The following OR2AJ1 variants were observed in gnomAD, a reference collection of about 807,000 sequenced individuals.
OR2AJ1 encodes olfactory receptor 2AJ1.
For synonymous variants in OR2AJ1, 105 were observed against 60.3 expected, an observed-to-expected ratio of 1.74 and a Z score of -3.44; for missense variants, 280 against 163.2, an observed-to-expected ratio of 1.72 and a Z score of -3.90.
intron 1 of OR2AJ1, among the ~76,000 whole-genome samples, chr1:247,925,961 G>A (rs1230311229): frequency 6.6e-6 from 1 of 152,078 alleles, no homozygotes; most frequent in African/African-American, 2.4e-5. Flanking sequence ...TATTTCTTCT[G>A]TAAATTCTGA....
At position 247,934,715 on chromosome 1, in the gene OR2AJ1, G is replaced by A. The variant is rs529188741; in HGVS notation, c.947G>A (p.Arg316Lys). The change falls in exon 2 of 2, where the codon AGG becomes AAG. Residue 316 changes from arginine to lysine, a missense_variant. Physicochemically the swap from Arg to Lys is conservative, Grantham distance 26 (BLOSUM62 2). Coordinates refer to ENST00000318244, the MANE Select transcript of OR2AJ1 (RefSeq NM_001355235.2). ...KSNFLHKKMN[R>K]KIPECVFCLF... is the part of the protein sequence containing the mutation. The stretch of plus-strand genomic sequence containing the variant: ...AACTTTCTGCACAAAAAAATGAATA[G>A]GAAAATTCCTGAATGTGTGTTCTGT... 44 of 713,440 alleles carry A rather than the reference G, an allele frequency of 6.2e-5. No homozygotes were observed. In the South Asian group the frequency reaches 6.2e-4, roughly 10 times the overall value. The allele number at this position is 713,440 out of a possible 1,614,324, so 44.2% of individuals were successfully genotyped here.
At chr1:247,933,468 A>C (rs557181952) in intron 1 of OR2AJ1, among the ~76,000 whole-genome samples, 1 of 152,318 alleles carries the variant, frequency 6.6e-6, no homozygotes, top group African/African-American at 2.4e-5. Context: ...ACATTTGAGA[A>C]AAGAGTAGAT....
Position 247,934,690 on chromosome 1 carries a change from A to T in OR2AJ1, c.922A>T (p.Asn308Tyr), listed in dbSNP as rs1228582615. ...GGTGATGAAAAATATGCTCAAAAGT[A>T]ACTTTCTGCACAAAAAAATGAATAG... ...LAVMKNMLKS[N>Y]FLHKKMNRKI... Residue 308 changes from asparagine to tyrosine, a missense_variant, in exon 2 of 2, where the codon AAC becomes TAC. Physicochemically the swap from Asn to Tyr is moderately radical, Grantham distance 143. Coordinates refer to ENST00000318244, the MANE Select transcript of OR2AJ1 (RefSeq NM_001355235.2). 2 of 715,922 alleles carry T rather than the reference A, an allele frequency of 2.8e-6. No individual in the cohort carries two copies. Among genetic ancestry groups the T allele is most frequent in the Non-Finnish European group, 5.2e-6 (2 of 385,060 alleles). The allele number at this position is 715,922 out of a possible 1,614,324, so 44.3% of individuals were successfully genotyped here.
At position 247,931,377 on chromosome 1, in the gene OR2AJ1, C is replaced by T. The variant is rs1438649806; in HGVS notation, c.-22-2370C>T. 2.0e-5 allele frequency among the ~76,000 whole-genome samples: 3 copies of T among 152,216 alleles called. No homozygotes were observed. In the East Asian group the frequency reaches 5.8e-4, roughly 29 times the overall value. On this transcript the variant is annotated intron_variant, in intron 1 of 1. Transcript: ENST00000318244. ...TCTTTGCATACAATGGCAGATTTCACCCAAAATTGAAATACTCCTGGGTAA... is the reference window on the plus strand; with the variant it reads ...TCTTTGCATACAATGGCAGATTTCATCCAAAATTGAAATACTCCTGGGTAA...
intron 1 of OR2AJ1, among the ~76,000 whole-genome samples, chr1:247,927,379 T>A (rs1016860222): frequency 6.6e-6 from 1 of 152,130 alleles, no homozygotes; most frequent in Admixed American, 6.5e-5. Flanking sequence ...ATTTAAAAAG[T>A]TAATTGATGC....
At chr1:247,931,210 A>G (rs1660149643) in intron 1 of OR2AJ1, among the ~76,000 whole-genome samples, 1 of 152,198 alleles carries the variant, frequency 6.6e-6, no homozygotes, top group African/African-American at 2.4e-5. Context: ...CCAACATTTA[A>G]TATTATTAAC....
chr1:247,925,305 A>G (rs1324481277), intron 1 of OR2AJ1, 137 bp downstream of exon 1: 1 of 152,316 alleles, frequency 6.6e-6, no homozygotes, highest in East Asian at 1.9e-4. Flanking sequence ...CAGACGGTCC[A>G]CATAAACATA....
At position 247,934,055 on chromosome 1, in the gene OR2AJ1, GTTGTGGGT is replaced by G. The variant is rs1463987660; in HGVS notation, c.289_296del (p.Cys97ProfsTer12). Reference sequence around the variant, plus strand: ...GGCAGCAGAACTATTTCATTTGCAGGTTGTGGGTTCCAGGTATTTCTGTCCCTCACCCT... The same window carrying G: ...GGCAGCAGAACTATTTCATTTGCAGGTCCAGGTATTTCTGTCCCTCACCCT... On this transcript the variant is annotated frameshift_variant, in exon 2 of 2. Coordinates refer to ENST00000318244, the MANE Select transcript of OR2AJ1 (RefSeq NM_001355235.2). LOFTEE classifies it low-confidence loss of function (END_TRUNC). 1.4e-6 allele frequency: 1 copy of G among 717,560 alleles called. No individual in the cohort carries two copies. The highest frequency in any genetic ancestry group is 2.6e-6 in the Non-Finnish European group (1 of 385,154). The allele number at this position is 717,560 out of a possible 1,614,324, so 44.4% of individuals were successfully genotyped here. A position where few individuals can be genotyped will look rare whatever the true frequency, so the allele number is the denominator to read the frequency against.
chr1:247,927,905 T>C (rs1303126009), intron 1 of OR2AJ1, among the ~76,000 whole-genome samples: 1 of 152,224 alleles, frequency 6.6e-6, no homozygotes, highest in Non-Finnish European at 1.5e-5. Flanking sequence ...CATACCACAT[T>C]TTCTTTAACT....
chr1:247,926,989 G>A (rs190809632), intron 1 of OR2AJ1, among the ~76,000 whole-genome samples: 43 of 152,306 alleles, frequency 2.8e-4, no homozygotes, highest in East Asian at 1.5e-3. Flanking sequence ...CCCATATGCA[G>A]TTGATGTTTT....
At position 247,934,891 on chromosome 1, in the gene OR2AJ1, T is replaced by A. The variant is rs1660200594; in HGVS notation, c.*136T>A. The stretch of plus-strand genomic sequence containing the variant: ...TGTGTTTGTGTTGTAAACACGTACC[T>A]CTAAAAATGTAGTGTTCCTTCTGTG... On this transcript the variant is annotated 3_prime_UTR_variant, in exon 2 of 2. Transcript: ENST00000318244. 1.7e-6 allele frequency: 1 copy of A among 577,718 alleles called. No individual in the cohort carries two copies. The allele number at this position is 577,718 out of a possible 1,614,324, so 35.8% of individuals were successfully genotyped here. A position where few individuals can be genotyped will look rare whatever the true frequency, so the allele number is the denominator to read the frequency against.
intron 1 of OR2AJ1, among the ~76,000 whole-genome samples, chr1:247,930,031 G>A (rs1239776054): frequency 6.6e-6 from 1 of 152,156 alleles, no homozygotes; most frequent in Non-Finnish European, 1.5e-5. Flanking sequence ...CCTGTCCTAT[G>A]AAATTCCACT....
chr1:247,932,541 T>C (rs1250691453), intron 1 of OR2AJ1, among the ~76,000 whole-genome samples: 1 of 152,200 alleles, frequency 6.6e-6, no homozygotes, highest in Non-Finnish European at 1.5e-5. Flanking sequence ...AATAATCATT[T>C]ATATATTGTC....
At chr1:247,927,160 A>G (rs1193940505) in intron 1 of OR2AJ1, among the ~76,000 whole-genome samples, 1 of 152,242 alleles carries the variant, frequency 6.6e-6, no homozygotes, top group Non-Finnish European at 1.5e-5. Flanking sequence ...GTGGTAGAAC[A>G]GGTAACAGAG....
intron 1 of OR2AJ1, among the ~76,000 whole-genome samples, chr1:247,933,456 T>C (rs1660175509): frequency 6.6e-6 from 1 of 152,134 alleles, no homozygotes; most frequent in South Asian, 2.1e-4. Context: ...CTTGGGAAAG[T>C]GACATTTGAG....
chr1:247,931,280 G>T (rs1397160907), intron 1 of OR2AJ1, among the ~76,000 whole-genome samples: 1 of 152,226 alleles, frequency 6.6e-6, no homozygotes, highest in African/African-American at 2.4e-5. Context: ...AGAGTTTCCT[G>T]TGTGGGGAAC....
chr1:247,926,836 T>C (rs1438469395), intron 1 of OR2AJ1, among the ~76,000 whole-genome samples: 1 of 152,148 alleles, frequency 6.6e-6, no homozygotes, highest in Non-Finnish European at 1.5e-5. Flanking sequence ...CTGAGAATGG[T>C]TTCAACAATA....
At chr1:247,927,356 A>G (rs1660103455) in intron 1 of OR2AJ1, among the ~76,000 whole-genome samples, 1 of 152,194 alleles carries the variant, frequency 6.6e-6, no homozygotes, top group African/African-American at 2.4e-5. Context: ...AGGGACTTCA[A>G]CATTAAACAA....
At chr1:247,925,636 A>G (rs1475600499) in intron 1 of OR2AJ1, among the ~76,000 whole-genome samples, 1 of 152,254 alleles carries the variant, frequency 6.6e-6, no homozygotes, top group Non-Finnish European at 1.5e-5. Flanking sequence ...ACCTAGCAGA[A>G]TGTCTGCAAA....
Sources: allele counts gnomAD v4.1 joint callset (sites outside exome capture counted in the v4.1 genomes callset), GRCh38; gene constraint gnomAD v4.1.1; transcripts MANE v1.5; gene names NCBI Gene and HGNC (gene_info 2026-07-23, HGNC 2026-07-21).